Variants in SH3KBP1 observed in about 807,000 individuals in gnomAD.
The protein encoded by SH3KBP1 is SH3 domain-containing kinase-binding protein 1.
A neutral mutation model predicts 50.1 loss-of-function variants in SH3KBP1; 8 were observed. The observed-to-expected ratio is 0.16, with a 90% CI of 0.09 to 0.29. The LOEUF (loss-of-function observed/expected upper bound fraction) is 0.29. SH3KBP1 is among the 10% of genes least tolerant of loss of function. The probability of loss-of-function intolerance (pLI) is 1.00; values close to 1 mark genes in which losing one functional copy is unlikely to be tolerated. For synonymous variants in SH3KBP1, 227 were observed against 218.6 expected (o/e 1.04, Z -0.34); for missense variants, 377 against 535.2 (o/e 0.70, Z 2.92).
chrX:19,618,316 G>A (rs1335165791), intron 8 of SH3KBP1, among the ~76,000 whole-genome samples: 1 of 105,603 alleles, frequency 9.5e-6, no homozygotes. Context: ...CCCAGGAGGT[G>A]GAGGTTGCAG....
chrX:19,586,508 T>C (rs1013900982), intron 12 of SH3KBP1, among the ~76,000 whole-genome samples: 2 of 112,134 alleles, frequency 1.8e-5, no homozygotes, highest in African/African-American at 6.5e-5. Context: ...ATATACTAGC[T>C]TCTGGGCTGA....
chrX:19,688,079 C>T (rs1319034653), intron 5 of SH3KBP1, among the ~76,000 whole-genome samples: 1 of 112,443 alleles, frequency 8.9e-6, no homozygotes, highest in Admixed American at 9.3e-5. Flanking sequence ...TTGTACAGCA[C>T]AAGCTTCTCT....
chrX:19,665,549 G>A (rs1465500353), intron 6 of SH3KBP1, among the ~76,000 whole-genome samples: 3 of 111,989 alleles, frequency 2.7e-5, no homozygotes, highest in South Asian at 7.4e-4. Flanking sequence ...AGAGGTGTAA[G>A]TATAGCTTAT....
chrX:19,750,017 G>C (rs1434826403), intron 2 of SH3KBP1, among the ~76,000 whole-genome samples: 1 of 111,371 alleles, frequency 9.0e-6, no homozygotes, highest in Non-Finnish European at 1.9e-5. Context: ...ACAAGTAGGA[G>C]CCAGGATTGG....
At chrX:19,807,561 C>T (rs971865163) in intron 2 of SH3KBP1, among the ~76,000 whole-genome samples, 1 of 111,633 alleles carries the variant, frequency 9.0e-6, no homozygotes, top group Non-Finnish European at 1.9e-5. Flanking sequence ...CCACTCTAGC[C>T]TTTTCCTCTC....
chrX:19,769,517 A>G (rs917687046), intron 2 of SH3KBP1, among the ~76,000 whole-genome samples: 6 of 111,097 alleles, frequency 5.4e-5, no homozygotes, highest in Non-Finnish European at 9.4e-5. Context: ...TTCTGTCTTA[A>G]CTACCTTCCA....
Position 19,565,926 on chromosome X carries a change from CT to C in SH3KBP1, c.1384+3176del, listed in dbSNP as rs377522104. Among the ~76,000 whole-genome samples the C allele has an allele frequency of 4.3e-3, 416 of 97,628 alleles. 1 individual carries two copies. The highest frequency in any genetic ancestry group is 0.01 in the Middle Eastern group (2 of 192). 84.8% of individuals were successfully genotyped at this position (97,628 alleles called of 115,157 possible). A position where few individuals can be genotyped will look rare whatever the true frequency, so the allele number is the denominator to read the frequency against. ...AAAATGATTACTAGGTTTTGGAGAC[CT>C]TTTTTTTTTTTTTTAAGATGGAGTT... is the stretch of plus-strand genomic sequence containing the variant. On this transcript the variant is annotated intron_variant, in intron 13 of 17. Transcript: ENST00000397821.
intron 2 of SH3KBP1, among the ~76,000 whole-genome samples, chrX:19,781,215 A>G (rs1195779544): frequency 9.0e-6 from 1 of 111,631 alleles, no homozygotes; most frequent in Non-Finnish European, 1.9e-5. Flanking sequence ...AATATAGAGA[A>G]TGCCTTGGGG....
At chrX:19,781,198 T>C (rs924012841) in intron 2 of SH3KBP1, among the ~76,000 whole-genome samples, 17 of 111,711 alleles carry the variant, frequency 1.5e-4, no homozygotes, top group African/African-American at 5.5e-4. Flanking sequence ...CCAGTATGTC[T>C]AAGTCTAATA....
intron 3 of SH3KBP1, among the ~76,000 whole-genome samples, chrX:19,719,406 AT>A (rs1419904196): frequency 9.0e-6 from 1 of 111,659 alleles, no homozygotes; most frequent in Non-Finnish European, 1.9e-5. Flanking sequence ...AATTTGGGCA[AT>A]TAACATCTGA....
intron 6 of SH3KBP1, among the ~76,000 whole-genome samples, chrX:19,651,462 A>G (rs893777859): frequency 8.9e-6 from 1 of 112,185 alleles, no homozygotes; most frequent in African/African-American, 3.2e-5. Flanking sequence ...TGTTAGGCCA[A>G]TTCCAACTTC....
intron 2 of SH3KBP1, among the ~76,000 whole-genome samples, chrX:19,749,740 C>T (rs768834794): frequency 9.8e-5 from 11 of 112,509 alleles, no homozygotes; most frequent in African/African-American, 1.9e-4. Context: ...ATAGATAGTA[C>T]GGATAGTTGC....
chrX:19,805,537 A>C (rs1218172640), intron 2 of SH3KBP1, among the ~76,000 whole-genome samples: 3 of 108,843 alleles, frequency 2.8e-5, no homozygotes, highest in East Asian at 5.7e-4. Flanking sequence ...AAAAAAAAAA[A>C]AAAAAAACAC....
At chrX:19,726,438 T>C (rs1220716517) in intron 3 of SH3KBP1, among the ~76,000 whole-genome samples, 1 of 111,877 alleles carries the variant, frequency 8.9e-6, no homozygotes, top group Non-Finnish European at 1.9e-5. Context: ...AACATTTGCA[T>C]AGGTAACTAG....
chrX:19,553,907 AAAT>A (rs1206135508), intron 13 of SH3KBP1, among the ~76,000 whole-genome samples: 4 of 79,397 alleles, frequency 5.0e-5, no homozygotes, highest in South Asian at 1.1e-3. Context: ...TATATATATA[AAAT>A]ATTATATATA....
intron 2 of SH3KBP1, among the ~76,000 whole-genome samples, chrX:19,787,835 G>A (rs190531778): frequency 3.0e-4 from 34 of 111,673 alleles, no homozygotes; most frequent in African/African-American, 9.1e-4. Flanking sequence ...TGACTTCTTC[G>A]CTGAAATCTG....
At chrX:19,845,669 G>A (rs770156148) in intron 1 of SH3KBP1, among the ~76,000 whole-genome samples, 7 of 108,754 alleles carry the variant, frequency 6.4e-5, no homozygotes, top group South Asian at 4.1e-4. Context: ...GGAGTGCAGC[G>A]GTGCCATCTC....
At chrX:19,708,988 G>A (rs889953358) in intron 3 of SH3KBP1, among the ~76,000 whole-genome samples, 2 of 111,862 alleles carry the variant, frequency 1.8e-5, no homozygotes, top group African/African-American at 6.5e-5. Flanking sequence ...AAAACCCTCT[G>A]TAAAAAGTAG....
chrX:19,788,286 C>CAAAAAAAAAAAA (rs1170966414), intron 2 of SH3KBP1, among the ~76,000 whole-genome samples: 1 of 65,715 alleles, frequency 1.5e-5, no homozygotes, highest in African/African-American at 5.6e-5. Flanking sequence ...AAAAAAAAAA[C>CAAAAAAAAAAAA]AAAAAAAAAA....
Sources: allele counts gnomAD v4.1 joint callset (sites outside exome capture counted in the v4.1 genomes callset), GRCh38; gene constraint gnomAD v4.1.1; transcripts MANE v1.5; gene names NCBI Gene and HGNC (gene_info 2026-07-23, HGNC 2026-07-21).